PCDH15: variants seen among roughly 807,000 people sequenced by gnomAD.
PCDH15 encodes the protein protocadherin-15.
In PCDH15, 129 loss-of-function variants were observed where a neutral mutation model predicts 178.5. The observed-to-expected ratio is 0.72, with a 90% CI of 0.63 to 0.84. The LOEUF (loss-of-function observed/expected upper bound fraction) is 0.84. Ranked by LOEUF, PCDH15 falls within the 40% of genes least tolerant of loss-of-function variation. The pLI is 0.00. For synonymous variants in PCDH15, 800 were observed against 732.0 expected, an observed-to-expected ratio of 1.09 and a Z score of -1.50; for missense variants, 2,230 against 2,099.9, an observed-to-expected ratio of 1.06 and a Z score of -1.21.
chr10:53,917,820 G>A (rs951911223), intron 25 of PCDH15, among the ~76,000 whole-genome samples: 5 of 152,102 alleles, frequency 3.3e-5, no homozygotes, highest in African/African-American at 4.8e-5. Context: ...TGGACCCCTC[G>A]TGAATGGCTT....
At chr10:55,406,068 TA>T (rs34959833) in intron 2 of PCDH15, among the ~76,000 whole-genome samples, 87 of 143,622 alleles carry the variant, frequency 6.1e-4, no homozygotes, top group Admixed American at 7.1e-4. Flanking sequence ...TGTTCCCATC[TA>T]AAAAAAAAAA....
At chr10:54,033,255 A>G (rs1413210146) in intron 18 of PCDH15, among the ~76,000 whole-genome samples, 2 of 151,982 alleles carry the variant, frequency 1.3e-5, no homozygotes, top group Non-Finnish European at 2.9e-5. Flanking sequence ...CTTTTTCATT[A>G]TCAACTCCTG....
intron 2 of PCDH15, among the ~76,000 whole-genome samples, chr10:55,117,397 CA>C (rs1216434764): frequency 6.6e-6 from 1 of 152,108 alleles, no homozygotes; most frequent in African/African-American, 2.4e-5. Context: ...CCTCTTTTGT[CA>C]ACAGAAATAC....
At chr10:54,662,147 T>A (rs1590906089) in intron 2 of PCDH15, among the ~76,000 whole-genome samples, 1 of 151,790 alleles carries the variant, frequency 6.6e-6, no homozygotes, top group East Asian at 1.9e-4. Flanking sequence ...TATTTGCAAG[T>A]AATATATCTG....
At position 55,487,821 on chromosome 10, in the gene PCDH15, A is replaced by G. The variant is rs1840327831; in HGVS notation, c.-156+139804T>C. On this transcript the variant is annotated intron_variant, in intron 2 of 5. Transcript: ENST00000613346. ...TAGAGTCTGTTCTGTGATAATGACT[A>G]TACCTATCACATTGTAATTTTAATT... 2.0e-5 allele frequency among the ~76,000 whole-genome samples: 3 copies of G among 151,608 alleles called. No individual in the cohort carries two copies. In the Admixed American group the frequency reaches 2.0e-4, roughly 10 times the overall value.
intron 1 of PCDH15, among the ~76,000 whole-genome samples, chr10:54,766,925 A>C (rs1300981380): frequency 6.8e-6 from 1 of 147,400 alleles, no homozygotes; most frequent in Non-Finnish European, 1.5e-5. Context: ...GCGAGACTCC[A>C]TCTCAAAAAA....
intron 23 of PCDH15, among the ~76,000 whole-genome samples, chr10:53,946,119 C>T (rs1428022636): frequency 2.6e-5 from 4 of 151,986 alleles, no homozygotes; most frequent in African/African-American, 7.3e-5. Flanking sequence ...GTTAAATCTA[C>T]AATGAGATAT....
At chr10:54,062,245 A>AAAAAAAAC (rs1565158806) in intron 18 of PCDH15, among the ~76,000 whole-genome samples, 3 of 143,922 alleles carry the variant, frequency 2.1e-5, no homozygotes, top group Admixed American at 7.1e-5. Flanking sequence ...AAAAAAAAAA[A>AAAAAAAAC]AAAAAAACAA....
At chr10:54,822,140 T>C in intron 3 of PCDH15, among the ~76,000 whole-genome samples, 1 of 152,194 alleles carries the variant, frequency 6.6e-6, no homozygotes, top group East Asian at 1.9e-4. Flanking sequence ...ATCTAAAACA[T>C]TTATTATTTA....
rs72361686 is a variant in PCDH15 at position 54,062,227 on chromosome 10, C to CAAAAAAAAAAAAAAAAA, written c.2220+4513_2220+4529dup. Among the ~76,000 whole-genome samples the CAAAAAAAAAAAAAAAAA allele has an allele frequency of 5.2e-4, 28 of 53,792 alleles. 1 individual carries two copies. The highest frequency in any genetic ancestry group is 6.2e-4 in the Non-Finnish European group (19 of 30,744). The allele number at this position is 53,792 out of a possible 152,430, so 35.3% of individuals were successfully genotyped here. ...GGGTGACAAGAGTGAGATTCTGTCT[C>CAAAAAAAAAAAAAAAAA]AAAAAAAAAAAAAAAAAAAAAAAAA... On this transcript the variant is annotated intron_variant, in intron 18 of 37. Coordinates refer to ENST00000644397, the MANE Select transcript of PCDH15 (RefSeq NM_001384140.1).
chr10:54,157,479 C>A (rs1351958805), intron 13 of PCDH15, among the ~76,000 whole-genome samples: 4 of 152,262 alleles, frequency 2.6e-5, no homozygotes, highest in African/African-American at 7.2e-5. Flanking sequence ...GACACCAAGT[C>A]CCTAGGCTGC....
chr10:55,572,822 A>T (rs534820947), intron 2 of PCDH15, among the ~76,000 whole-genome samples: 2 of 152,172 alleles, frequency 1.3e-5, no homozygotes, highest in Middle Eastern at 6.8e-3. Context: ...GTAAAGTGCA[A>T]TAATGAAATT....
At chr10:54,151,732 T>C (rs888892444) in intron 14 of PCDH15, among the ~76,000 whole-genome samples, 1 of 152,118 alleles carries the variant, frequency 6.6e-6, no homozygotes, top group African/African-American at 2.4e-5. Context: ...CAAACATATA[T>C]AATATATTCC....
intron 17 of PCDH15, among the ~76,000 whole-genome samples, chr10:54,074,100 A>C (rs1453498626): frequency 6.6e-6 from 1 of 152,230 alleles, no homozygotes; most frequent in Non-Finnish European, 1.5e-5. Context: ...TAGACAATAA[A>C]AATGGCAAAG....
rs1338617951 is a variant in PCDH15 at position 54,023,206 on chromosome 10, T to A, written c.2221-9A>T. 9.3e-6 allele frequency: 15 copies of A among 1,611,302 alleles called. No homozygotes were observed. Among genetic ancestry groups the A allele is most frequent in the South Asian group, 4.4e-5 (4 of 91,010 alleles). ...GCATCAGGGTCTGTTGCCTATTAAATAAAACAAAAAAACAAAAAAATTCAC... is the reference window on the plus strand; with the variant it reads ...GCATCAGGGTCTGTTGCCTATTAAAAAAAACAAAAAAACAAAAAAATTCAC... On this transcript the variant is annotated splice_polypyrimidine_tract_variant and intron_variant, in intron 18 of 37. Coordinates refer to ENST00000644397, the MANE Select transcript of PCDH15 (RefSeq NM_001384140.1).
intron 23 of PCDH15, among the ~76,000 whole-genome samples, chr10:53,950,490 A>T (rs1357185265): frequency 1.3e-5 from 2 of 152,300 alleles, no homozygotes; most frequent in East Asian, 3.9e-4. Context: ...AAAATTTTGC[A>T]ATTAATTGTA....
chr10:54,407,826 C>T (rs777511422), intron 3 of PCDH15, among the ~76,000 whole-genome samples: 13 of 151,984 alleles, frequency 8.6e-5, no homozygotes, highest in East Asian at 1.9e-4. Context: ...GAGGATAAGG[C>T]GGGTGGATCA....
At chr10:54,342,540 T>G (rs1175365505) in intron 6 of PCDH15, among the ~76,000 whole-genome samples, 1 of 152,152 alleles carries the variant, frequency 6.6e-6, no homozygotes, top group East Asian at 1.9e-4. Flanking sequence ...ATGGAAAACA[T>G]CTACTAGCAT....
At chr10:53,971,274 G>T (rs1164309694) in intron 21 of PCDH15, among the ~76,000 whole-genome samples, 1 of 152,152 alleles carries the variant, frequency 6.6e-6, no homozygotes, top group Admixed American at 6.5e-5. Context: ...ACTAGGTATT[G>T]ATGTAACCTA....
Sources: gnomAD v4.1 joint callset for allele counts (sites outside exome capture counted in the v4.1 genomes callset) on GRCh38, gnomAD v4.1.1 for gene constraint, MANE v1.5 for transcripts, NCBI Gene and HGNC (gene_info 2026-07-23, HGNC 2026-07-21) for gene names.